NXPE2: variants seen among roughly 807,000 people sequenced by gnomAD.
NXPE2 encodes neurexophilin and PC-esterase domain family member 2.
Under a neutral mutation model 34.4 loss-of-function variants are expected in NXPE2, and 34 were observed. That is an observed-to-expected ratio of 0.99 (90% confidence interval 0.75 to 1.31). The LOEUF (loss-of-function observed/expected upper bound fraction) is 1.31. Among genes scored for constraint, NXPE2 ranks in the 40% most tolerant of loss-of-function variants. The pLI is 0.00. For missense variants in NXPE2, 649 were observed against 672.5 expected (o/e 0.97, Z 0.39); for synonymous variants, 235 against 231.3 (o/e 1.02, Z -0.15).
chr11:114,805,964 C>A, the NXPE2 span, among the ~76,000 whole-genome samples: 1 of 152,216 alleles, frequency 6.6e-6, no homozygotes, highest in African/African-American at 2.4e-5. Context: ...CAGACTGACA[C>A]CTCACACTGC....
At chr11:114,653,357 G>A in the NXPE2 span, among the ~76,000 whole-genome samples, 1 of 152,102 alleles carries the variant, frequency 6.6e-6, no homozygotes. Context: ...GTCCCTATAA[G>A]CTCAACGGTT....
At chr11:114,566,716 T>C in the NXPE2 span, among the ~76,000 whole-genome samples, 1 of 152,100 alleles carries the variant, frequency 6.6e-6, no homozygotes, top group Non-Finnish European at 1.5e-5. Context: ...TCTCTCTCTC[T>C]ATCTCTGTAT....
the NXPE2 span, among the ~76,000 whole-genome samples, chr11:114,618,985 A>T: frequency 1.3e-5 from 2 of 152,050 alleles, no homozygotes; most frequent in Non-Finnish European, 2.9e-5. Context: ...TCTGGTGGAT[A>T]ATAGGTATTG....
the NXPE2 span, among the ~76,000 whole-genome samples, chr11:114,730,977 A>C: frequency 1.3e-5 from 2 of 152,178 alleles, no homozygotes; most frequent in Non-Finnish European, 2.9e-5. Flanking sequence ...TCCAGTTCTT[A>C]GGAAGAATGC....
chr11:114,665,014 G>A, the NXPE2 span, among the ~76,000 whole-genome samples: 1 of 152,114 alleles, frequency 6.6e-6, no homozygotes, highest in Non-Finnish European at 1.5e-5. Flanking sequence ...AACTTATGAT[G>A]GGTTTAATGG....
downstream of NXPE2, among the ~76,000 whole-genome samples, chr11:114,708,299 C>A (rs75090626): frequency 6.6e-6 from 1 of 152,106 alleles, no homozygotes; most frequent in Non-Finnish European, 1.5e-5. Flanking sequence ...ATTATGTTAA[C>A]GTACAGACCC....
chr11:114,725,471 A>T, the NXPE2 span, among the ~76,000 whole-genome samples: 1 of 151,752 alleles, frequency 6.6e-6, no homozygotes, highest in Non-Finnish European at 1.5e-5. Flanking sequence ...GATAAAACCT[A>T]TGGTCAATAC....
the NXPE2 span, among the ~76,000 whole-genome samples, chr11:114,541,805 C>A: frequency 6.6e-6 from 1 of 152,184 alleles, no homozygotes; most frequent in South Asian, 2.1e-4. Flanking sequence ...CAGAAAGAAC[C>A]AAACAAATTT....
At chr11:114,620,482 C>T in the NXPE2 span, among the ~76,000 whole-genome samples, 1 of 152,062 alleles carries the variant, frequency 6.6e-6, no homozygotes, top group Middle Eastern at 3.4e-3. Context: ...ACCACTGTTG[C>T]CCGGTGGATA....
At chr11:114,475,519 G>A in the NXPE2 span, among the ~76,000 whole-genome samples, 1 of 152,140 alleles carries the variant, frequency 6.6e-6, no homozygotes, top group African/African-American at 2.4e-5. Context: ...TTACAGGCAT[G>A]AGCCATCACA....
At chr11:114,591,585 G>T in the NXPE2 span, among the ~76,000 whole-genome samples, 1 of 152,018 alleles carries the variant, frequency 6.6e-6, no homozygotes, top group Non-Finnish European at 1.5e-5. Context: ...GTACTCCCCT[G>T]CAAAAATAGA....
the NXPE2 span, among the ~76,000 whole-genome samples, chr11:114,779,770 C>T: frequency 6.6e-6 from 1 of 152,082 alleles, no homozygotes; most frequent in Non-Finnish European, 1.5e-5. Context: ...AGGACTCGCT[C>T]GCTCAGGGAG....
chr11:114,539,262 A>T, the NXPE2 span, among the ~76,000 whole-genome samples: 1 of 136,576 alleles, frequency 7.3e-6, no homozygotes, highest in Non-Finnish European at 1.6e-5. Flanking sequence ...GAAGGGGAAC[A>T]TCACACACTG....
the NXPE2 span, among the ~76,000 whole-genome samples, chr11:114,803,547 A>T: frequency 6.7e-6 from 1 of 149,680 alleles, no homozygotes; most frequent in African/African-American, 2.5e-5. Flanking sequence ...TAAAAGGTAG[A>T]AGAGGCAAAC....
the NXPE2 span, among the ~76,000 whole-genome samples, chr11:114,668,527 A>C: frequency 6.6e-6 from 1 of 152,216 alleles, no homozygotes; most frequent in East Asian, 1.9e-4. Flanking sequence ...ACACAGAAGG[A>C]ACCTCAGCCT....
At chr11:114,585,667 A>G in the NXPE2 span, among the ~76,000 whole-genome samples, 188 of 152,286 alleles carry the variant, frequency 1.2e-3, no homozygotes, top group African/African-American at 4.2e-3. Context: ...AGGAAATGAA[A>G]CAGGAACTAG....
the NXPE2 span, among the ~76,000 whole-genome samples, chr11:114,735,233 C>T: frequency 2.0e-5 from 3 of 152,286 alleles, no homozygotes; most frequent in African/African-American, 4.8e-5. Context: ...AAATAATCTA[C>T]AAAAGAGCTT....
the NXPE2 span, among the ~76,000 whole-genome samples, chr11:114,558,543 G>A: frequency 6.6e-6 from 1 of 152,100 alleles, no homozygotes; most frequent in Non-Finnish European, 1.5e-5. Context: ...AATGGAAGTT[G>A]AGTTATTGAC....
At chr11:114,485,903 A>T in the NXPE2 span, among the ~76,000 whole-genome samples, 8 of 152,162 alleles carry the variant, frequency 5.3e-5, no homozygotes, top group Non-Finnish European at 7.3e-5. Flanking sequence ...TCATCTGTCG[A>T]TGGACACTTA....
Sources: gnomAD v4.1 joint callset for allele counts (sites outside exome capture counted in the v4.1 genomes callset) on GRCh38, gnomAD v4.1.1 for gene constraint, MANE v1.5 for transcripts, NCBI Gene and HGNC (gene_info 2026-07-23, HGNC 2026-07-21) for gene names.